The following C19orf53 variants were observed in gnomAD, a reference collection of about 807,000 sequenced individuals.
C19orf53 encodes the protein chromosome 19 open reading frame 53.
Under a neutral mutation model 6.5 loss-of-function variants are expected in C19orf53, and 9 were observed. That is an observed-to-expected ratio of 1.38 (90% CI 0.83 to 2.40). The LOEUF (loss-of-function observed/expected upper bound fraction) is 2.40. Among genes scored for constraint, C19orf53 ranks in the 30% most tolerant of loss-of-function variants. The pLI is 0.00. For missense variants in C19orf53, 166 were observed against 129.7 expected, an observed-to-expected ratio of 1.28 and a Z score of -1.36; for synonymous variants, 68 against 52.5, an observed-to-expected ratio of 1.29 and a Z score of -1.27.
chr19:13,778,224 C>G lies in C19orf53; in HGVS notation c.*26C>G. The G allele has an allele frequency of 6.4e-7, 1 of 1,555,468 alleles. No individual in the cohort carries two copies. The highest frequency in any genetic ancestry group is 1.2e-5 in the South Asian group (1 of 83,234). On this transcript the variant is annotated 3_prime_UTR_variant, in exon 3 of 3. Transcript: ENST00000588234. ...GGACGCTGGCCCCAGTGCAGGCCAA[C>G]ATCCCACCCCCTACCTCCATATGGG...
intron 2 of C19orf53, among the ~76,000 whole-genome samples, chr19:13,776,221 A>G (rs1010579311): frequency 6.7e-5 from 9 of 134,184 alleles, no homozygotes; most frequent in South Asian, 2.3e-4. Context: ...CTCATGATCT[A>G]CCCGCCTCGG....
rs774332454 is a variant in C19orf53 at position 13,774,560 on chromosome 19, G to A, written c.83G>A (p.Gly28Asp). ...TAAAASEKNRGPRKGGRVIAP... is the reference protein window; with the variant it reads ...TAAAASEKNRDPRKGGRVIAP... Reference sequence around the variant, plus strand: ...GCGGCAGCCTCTGAAAAGAATCGGGGCCCAAGAAAAGGCGGTAAGGAGCGG... The same window carrying A: ...GCGGCAGCCTCTGAAAAGAATCGGGACCCAAGAAAAGGCGGTAAGGAGCGG... The change falls in exon 1 of 3, where the codon GGC becomes GAC. Residue 28 changes from glycine to aspartate, a missense_variant. Physicochemically the swap from Gly to Asp is moderately conservative, Grantham distance 94. Coordinates refer to ENST00000588234, the MANE Select transcript of C19orf53 (RefSeq NM_014047.3). 1.9e-6 allele frequency: 3 copies of A among 1,613,936 alleles called. No homozygotes were observed. Among genetic ancestry groups the A allele is most frequent in the African/African-American group, 2.7e-5 (2 of 74,944 alleles).
chr19:13,778,297 T>TC lies in C19orf53; in HGVS notation c.*104dup. 1 of 1,389,692 alleles carries TC rather than the reference T, an allele frequency of 7.2e-7. No individual in the cohort carries two copies. The highest frequency in any genetic ancestry group is 9.5e-7 in the Non-Finnish European group (1 of 1,054,084). The allele number at this position is 1,389,692 out of a possible 1,614,324, so 86.1% of individuals were successfully genotyped here. On this transcript the variant is annotated 3_prime_UTR_variant, in exon 3 of 3. Transcript: ENST00000588234. ...CTGCACTGTCAGGAAGAGGACCCTG[T>TC]CCCCCAGCACTGGGCTTCACCTAGA...
At chr19:13,777,329 T>C (rs1022798973) in intron 2 of C19orf53, among the ~76,000 whole-genome samples, 2 of 152,022 alleles carry the variant, frequency 1.3e-5, no homozygotes, top group African/African-American at 2.4e-5. Flanking sequence ...CACTGCAGCC[T>C]GGACCTCCTG....
intron 2 of C19orf53, among the ~76,000 whole-genome samples, chr19:13,775,265 G>A (rs1054810204): frequency 1.3e-5 from 2 of 150,110 alleles, no homozygotes; most frequent in Admixed American, 6.7e-5. Flanking sequence ...GCTCAAAGAA[G>A]TGTGAGGGTG....
At chr19:13,777,445 C>T (rs1397570489) in intron 2 of C19orf53, among the ~76,000 whole-genome samples, 2 of 152,108 alleles carry the variant, frequency 1.3e-5, no homozygotes, top group Non-Finnish European at 2.9e-5. Context: ...AGGCTGGTCT[C>T]GAGTTCCTGG....
Position 13,778,327 on chromosome 19 carries a change from C to T in C19orf53, c.*129C>T. On this transcript the variant is annotated 3_prime_UTR_variant, in exon 3 of 3. Coordinates refer to ENST00000588234, the MANE Select transcript of C19orf53 (RefSeq NM_014047.3). The stretch of plus-strand genomic sequence containing the variant: ...CAGCACTGGGCTTCACCTAGAACTT[C>T]AGTGGGGGCCAAGGGTGCTGAGAAC... 8.6e-7 allele frequency: 1 copy of T among 1,169,424 alleles called. No individual in the cohort carries two copies. The highest frequency in any genetic ancestry group is 1.1e-6 in the Non-Finnish European group (1 of 870,682). The allele number at this position is 1,169,424 out of a possible 1,614,324, so 72.4% of individuals were successfully genotyped here.
chr19:13,775,734 G>T (rs1974363332), intron 2 of C19orf53: 1 of 152,096 alleles, frequency 6.6e-6, no homozygotes, highest in South Asian at 2.1e-4. Flanking sequence ...AAATTGTTTC[G>T]TCACCCCAGA....
At chr19:13,776,001 G>A (rs945440661) in intron 2 of C19orf53, among the ~76,000 whole-genome samples, 3 of 151,906 alleles carry the variant, frequency 2.0e-5, no homozygotes. Context: ...CTGTCGCCCA[G>A]GCTGGAGTGC....
In C19orf53 at chr19:13,778,339, A is replaced by G. The variant is rs1170072464; in HGVS notation, c.*141A>G. On this transcript the variant is annotated 3_prime_UTR_variant, in exon 3 of 3. Transcript: ENST00000588234. ...TCACCTAGAACTTCAGTGGGGGCCAAGGGTGCTGAGAACCCAGCAATGACC... is the reference window on the plus strand; with the variant it reads ...TCACCTAGAACTTCAGTGGGGGCCAGGGGTGCTGAGAACCCAGCAATGACC... The G allele has an allele frequency of 6.6e-6, 7 of 1,062,204 alleles. No individual in the cohort carries two copies. The highest frequency in any genetic ancestry group is 2.9e-5 in the East Asian group (1 of 34,472). The allele number at this position is 1,062,204 out of a possible 1,614,324, so 65.8% of individuals were successfully genotyped here. A position where few individuals can be genotyped will look rare whatever the true frequency, so the allele number is the denominator to read the frequency against.
intron 2 of C19orf53, among the ~76,000 whole-genome samples, chr19:13,776,377 C>T (rs1974372594): frequency 6.6e-6 from 1 of 151,976 alleles, no homozygotes; most frequent in Admixed American, 6.6e-5. Context: ...ACCAGTGCAG[C>T]CACCTTCTCC....
intron 2 of C19orf53, among the ~76,000 whole-genome samples, chr19:13,776,366 G>T (rs1212088759): frequency 6.6e-6 from 1 of 151,674 alleles, no homozygotes; most frequent in Non-Finnish European, 1.5e-5. Context: ...TTCCCACCGG[G>T]ACCAGTGCAG....
intron 2 of C19orf53, 95 bp from the exon 3 acceptor site, chr19:13,777,957 T>G (rs1974387026): frequency 6.8e-7 from 1 of 1,480,158 alleles, no homozygotes; most frequent in African/African-American, 1.4e-5. Context: ...GTTGCTGATC[T>G]AGCCCCCTGC....
intron 2 of C19orf53, among the ~76,000 whole-genome samples, chr19:13,777,478 A>G (rs346157): frequency 0.55 from 83,865 of 151,958 alleles, 25,620 homozygotes; most frequent in African/African-American, 0.83. Flanking sequence ...TTCCTGCCTC[A>G]GCCTCGCAAA....
Position 13,777,083 on chromosome 19 carries a change from C to T in C19orf53, c.154-969C>T, listed in dbSNP as rs370992920. Among the ~76,000 whole-genome samples the T allele has an allele frequency of 7.2e-5, 11 of 152,142 alleles. No homozygotes were observed. The East Asian group carries it at 1.4e-3, about 19-fold the overall frequency. On this transcript the variant is annotated intron_variant, in intron 2 of 2. Transcript: ENST00000588234. The stretch of plus-strand genomic sequence containing the variant: ...TCTCCTGCCTCAGCCTCTCGAGTAG[C>T]TGGGATTACAGGCGCCCGCCACCAC...
chr19:13,774,680 C>T lies in C19orf53; in HGVS notation c.126C>T (p.Arg42=), dbSNP rs1307415215. 1.9e-6 allele frequency: 3 copies of T among 1,608,496 alleles called. No individual in the cohort carries two copies. Among genetic ancestry groups the T allele is most frequent in the South Asian group, 1.1e-5 (1 of 90,966 alleles). ...GTGTTATCGCTCCCAAGAAGGCGCGCGTCGTGCAGCAGCAAAAGCTCAAGA... is the reference window on the plus strand; with the variant it reads ...GTGTTATCGCTCCCAAGAAGGCGCGTGTCGTGCAGCAGCAAAAGCTCAAGA... ...GGRVIAPKKA[R]VVQQQKLKKN... The change falls in exon 2 of 3, where the codon CGC becomes CGT. Residue 42 remains arginine (R), a synonymous_variant. Coordinates refer to ENST00000588234, the MANE Select transcript of C19orf53 (RefSeq NM_014047.3).
chr19:13,775,154 C>T (rs1210086644), intron 2 of C19orf53, among the ~76,000 whole-genome samples: 2 of 152,164 alleles, frequency 1.3e-5, no homozygotes, highest in East Asian at 3.9e-4. Context: ...TAACGTCAGC[C>T]TCTTGCTGTT....
chr19:13,776,972 A>G (rs1974377875), intron 2 of C19orf53, among the ~76,000 whole-genome samples: 1 of 96,522 alleles, frequency 1.0e-5, no homozygotes, highest in Admixed American at 1.0e-4. Context: ...TTGTTTTGAG[A>G]TAGAGTTTCG....
At chr19:13,774,804 G>A in intron 2 of C19orf53, 97 bp downstream of exon 2, 3 of 1,457,532 alleles carry the variant, frequency 2.1e-6, no homozygotes, top group East Asian at 2.3e-5. Context: ...CCGGGGATCA[G>A]TGAGGGGAGA....
Sources: gnomAD v4.1 joint callset for allele counts (sites outside exome capture counted in the v4.1 genomes callset) on GRCh38, gnomAD v4.1.1 for gene constraint, MANE v1.5 for transcripts, NCBI Gene and HGNC (gene_info 2026-07-23, HGNC 2026-07-21) for gene names.